Variants in CSMD3 observed in about 807,000 individuals in gnomAD.
CSMD3 encodes the protein CUB and Sushi multiple domains 3.
In CSMD3, 177 loss-of-function variants were observed where a neutral mutation model predicts 435.2. The ratio of observed to expected loss-of-function variants is 0.41; its 90% CI spans 0.36 to 0.46. The LOEUF is 0.46. Among genes scored for constraint, CSMD3 ranks in the 20% least tolerant of loss-of-function variants. The pLI, the probability that CSMD3 is intolerant of heterozygous loss-of-function variation, is 0.34. For missense variants in CSMD3, 4,265 were observed against 4,504.6 expected (o/e 0.95, Z 1.52); for synonymous variants, 1,656 against 1,520.5 (o/e 1.09, Z -2.07).
rs185266722 is a variant in CSMD3 at position 112,851,696 on chromosome 8, G to A, written c.1755+7449C>T. On this transcript the variant is annotated intron_variant, in intron 11 of 70. Transcript: ENST00000297405. ...GGAGAATTGCTTGAACCTGGGAGGC[G>A]AAGGTTGCAGTGAGCTGAGATCGTG... Among the ~76,000 whole-genome samples the A allele has an allele frequency of 5.2e-3, 790 of 151,664 alleles. 14 individuals carry two copies. Among genetic ancestry groups the A allele is most frequent in the African/African-American group, 0.018 (760 of 41,360 alleles).
At chr8:112,616,215 A>T (rs187944681) in intron 22 of CSMD3, among the ~76,000 whole-genome samples, 10 of 151,928 alleles carry the variant, frequency 6.6e-5, no homozygotes, top group African/African-American at 2.2e-4. Context: ...TAAATAAGTT[A>T]GCATGCATAA....
intron 32 of CSMD3, among the ~76,000 whole-genome samples, chr8:112,451,456 A>G (rs1816260215): frequency 6.6e-6 from 1 of 152,126 alleles, no homozygotes; most frequent in African/African-American, 2.4e-5. Flanking sequence ...TTTTTTTTAC[A>G]TGTACTTTCT....
At chr8:112,420,930 T>G (rs1213726221) in intron 32 of CSMD3, among the ~76,000 whole-genome samples, 3 of 152,142 alleles carry the variant, frequency 2.0e-5, no homozygotes, top group Non-Finnish European at 4.4e-5. Context: ...CTCTGCATGT[T>G]GCCTCCTACG....
intron 11 of CSMD3, among the ~76,000 whole-genome samples, chr8:112,833,161 T>C (rs1411743802): frequency 6.6e-6 from 1 of 152,106 alleles, no homozygotes; most frequent in Non-Finnish European, 1.5e-5. Context: ...CATTTGTCTT[T>C]CACATATCAA....
intron 35 of CSMD3, among the ~76,000 whole-genome samples, chr8:112,404,255 T>G (rs981219231): frequency 6.6e-6 from 1 of 152,034 alleles, no homozygotes; most frequent in Middle Eastern, 3.2e-3. Context: ...CCTGGCTGGG[T>G]GCGGTGGCTC....
intron 27 of CSMD3, among the ~76,000 whole-genome samples, chr8:112,542,045 T>A (rs1243583682): frequency 3.9e-5 from 6 of 151,938 alleles, no homozygotes; most frequent in African/African-American, 1.2e-4. Flanking sequence ...TAAGATCACA[T>A]GATCACATGA....
At chr8:112,328,057 C>T (rs1056357079) in intron 45 of CSMD3, among the ~76,000 whole-genome samples, 1 of 152,142 alleles carries the variant, frequency 6.6e-6, no homozygotes, top group African/African-American at 2.4e-5. Context: ...ACCTTTCTGC[C>T]AAGTAAGGAC....
intron 4 of CSMD3, among the ~76,000 whole-genome samples, chr8:113,123,397 C>G (rs530800361): frequency 6.6e-6 from 1 of 152,038 alleles, no homozygotes; most frequent in Admixed American, 6.6e-5. Context: ...GGCTTCTGGG[C>G]CAAATCTGGT....
At chr8:113,424,469 G>T (rs2094624646) in intron 1 of CSMD3, among the ~76,000 whole-genome samples, 1 of 151,282 alleles carries the variant, frequency 6.6e-6, no homozygotes, top group Non-Finnish European at 1.5e-5. Flanking sequence ...TTTAGGTGTT[G>T]ACCTTGATAA....
chr8:112,697,222 A>C (rs1177389564), intron 13 of CSMD3, among the ~76,000 whole-genome samples: 2 of 152,196 alleles, frequency 1.3e-5, no homozygotes, highest in African/African-American at 4.8e-5. Context: ...CCATCCCATT[A>C]CTGGGTATAT....
chr8:113,429,427 G>T (rs968757142), intron 1 of CSMD3, among the ~76,000 whole-genome samples: 1 of 151,868 alleles, frequency 6.6e-6, no homozygotes, highest in African/African-American at 2.4e-5. Context: ...TTGATGTTAA[G>T]TACTGCCCCT....
At chr8:112,580,824 C>T (rs994017342) in intron 23 of CSMD3, among the ~76,000 whole-genome samples, 4 of 152,046 alleles carry the variant, frequency 2.6e-5, no homozygotes, top group South Asian at 2.1e-4. Flanking sequence ...GGACAAAATG[C>T]ACTTTTTATT....
chr8:112,245,159 T>C (rs1014114683), intron 64 of CSMD3, among the ~76,000 whole-genome samples: 2 of 152,118 alleles, frequency 1.3e-5, no homozygotes, highest in Non-Finnish European at 2.9e-5. Context: ...CATATTTGGA[T>C]CCATATGCTA....
intron 1 of CSMD3, among the ~76,000 whole-genome samples, chr8:113,374,722 C>T (rs2094367696): frequency 6.7e-6 from 1 of 148,542 alleles, no homozygotes; most frequent in Admixed American, 6.8e-5. Context: ...AACTCAGCAA[C>T]AGTTGTCGCT....
intron 10 of CSMD3, among the ~76,000 whole-genome samples, chr8:112,914,928 T>C (rs2082531415): frequency 6.6e-6 from 1 of 151,920 alleles, no homozygotes; most frequent in Non-Finnish European, 1.5e-5. Flanking sequence ...CTGTAGTATA[T>C]TTAAGTTTTC....
chr8:113,173,872 C>G lies in CSMD3; in HGVS notation c.559G>C (p.Gly187Arg). The G allele has an allele frequency of 6.2e-7, 1 of 1,613,836 alleles. No homozygotes were observed. Among genetic ancestry groups the G allele is most frequent in the Non-Finnish European group, 8.5e-7 (1 of 1,179,868 alleles). ...SCGNPGVPPK[G>R]VLYGTRFDVG... The stretch of plus-strand genomic sequence containing the variant: ...TCGAATCTTGTGCCATATAATACAC[C>G]TTTGGGTGGAACACCAGGATTTCCA... Residue 187 changes from glycine to arginine, a missense_variant, in exon 4 of 71, where the codon GGT (glycine) becomes CGT (arginine). Around this residue, in one of 3 missense-constraint regions of CSMD3, gnomAD observed 731 missense variants for 755.4 expected, o/e 0.97. Transcript: ENST00000297405.
chr8:113,066,291 G>C (rs2088856486), intron 5 of CSMD3, among the ~76,000 whole-genome samples: 1 of 151,938 alleles, frequency 6.6e-6, no homozygotes, highest in Non-Finnish European at 1.5e-5. Context: ...AGAGCACAAA[G>C]AGAAAAAGTG....
chr8:113,345,058 A>T (rs568616318), intron 1 of CSMD3, among the ~76,000 whole-genome samples: 1 of 152,226 alleles, frequency 6.6e-6, no homozygotes, highest in South Asian at 2.1e-4. Context: ...TTAGGGTTTT[A>T]AATTTTTAGG....
chr8:113,213,793 T>C (rs1588288774), intron 3 of CSMD3, among the ~76,000 whole-genome samples: 1 of 152,228 alleles, frequency 6.6e-6, no homozygotes, highest in Admixed American at 6.5e-5. Context: ...GTTTCCCTAT[T>C]TTATTAATTC....
Sources: allele counts gnomAD v4.1 joint callset (sites outside exome capture counted in the v4.1 genomes callset), GRCh38; gene constraint gnomAD v4.1.1; regional missense constraint gnomAD v4.1.1; transcripts MANE v1.5; gene names NCBI Gene and HGNC (gene_info 2026-07-23, HGNC 2026-07-21).